The following USP31 variants were observed in gnomAD, a reference collection of about 807,000 sequenced individuals.
USP31 encodes the protein ubiquitin specific peptidase 31, also known as ubiquitin carboxyl-terminal hydrolase 31.
USP31 carries 44 observed loss-of-function variants against 119.4 expected under a neutral mutation model. The observed-to-expected ratio is 0.37, with a 90% confidence interval of 0.29 to 0.47. The LOEUF is 0.47. Among genes scored for constraint, USP31 ranks in the 20% least tolerant of loss-of-function variants. The pLI is 0.99. For missense variants in USP31, 1,643 were observed against 1,730.2 expected, an observed-to-expected ratio of 0.95 and a Z score of 0.89; for synonymous variants, 749 against 705.6, an observed-to-expected ratio of 1.06 and a Z score of -0.97.
intron 4 of USP31, 58 bp from the exon 5 acceptor site, chr16:23,105,634 A>C (rs1319855331): frequency 6.8e-7 from 1 of 1,471,346 alleles, no homozygotes; most frequent in Non-Finnish European, 9.0e-7. Flanking sequence ...AAAATATAGA[A>C]GATGCAAAAT....
chr16:23,114,738 G>A lies in USP31; in HGVS notation c.634-6555C>T, dbSNP rs530799847. Among the ~76,000 whole-genome samples, 4 of 152,068 alleles carry A rather than the reference G, an allele frequency of 2.6e-5. No individual in the cohort carries two copies. In the South Asian group the frequency reaches 6.2e-4, roughly 24 times the overall value. On this transcript the variant is annotated intron_variant, in intron 1 of 15. Coordinates refer to ENST00000219689, the MANE Select transcript of USP31 (RefSeq NM_020718.4). The stretch of plus-strand genomic sequence containing the variant: ...GGCACGACCCAACAGGTAACAGAAC[G>A]TCCACAATACTCGTAACTAGGGCAA...
At chr16:23,088,243 GACA>G (rs1901199914) in intron 7 of USP31, among the ~76,000 whole-genome samples, 1 of 152,134 alleles carries the variant, frequency 6.6e-6, no homozygotes, top group African/African-American at 2.4e-5. Context: ...TTGAGTCTCT[GACA>G]ACAAGGGAGG....
In USP31 at chr16:23,063,204, A is replaced by G. The variant is rs1899922478; in HGVS notation, c.*4842T>C. 1 of 152,200 alleles carries G rather than the reference A, an allele frequency of 6.6e-6. No homozygotes were observed. 9.4% of individuals were successfully genotyped at this position (152,200 alleles called of 1,614,324 possible). On this transcript the variant is annotated 3_prime_UTR_variant, in exon 16 of 16. Coordinates refer to ENST00000219689, the MANE Select transcript of USP31 (RefSeq NM_020718.4). ...TGTGTGAGATTCAAAAAAGTCTCTC[A>G]AATTTGCTGTGCACCCCTTCTCCCA...
At position 23,148,832 on chromosome 16, in the gene USP31, T is replaced by C; in HGVS notation, c.439A>G (p.Ser147Gly). The change falls in exon 1 of 16, where the codon AGC becomes GGC. Residue 147 changes from serine to glycine, a missense_variant. By Grantham distance (56) the Ser-to-Gly change is moderately conservative. This residue lies in a region of USP31 where 302 missense variants were observed against 262.6 expected (regional missense o/e 1.15). Coordinates refer to ENST00000219689, the MANE Select transcript of USP31 (RefSeq NM_020718.4). ...CFMNATLQCL[S>G]NTELFAEYLA... is the part of the protein sequence containing the mutation. ...TACTCGGCGAAGAGCTCGGTGTTGC[T>C]GAGGCACTGCAGCGTGGCGTTCATG... is the stretch of plus-strand genomic sequence containing the variant. 1 of 1,537,458 alleles carries C rather than the reference T, an allele frequency of 6.5e-7. No individual in the cohort carries two copies. Among genetic ancestry groups the C allele is most frequent in the Non-Finnish European group, 8.7e-7 (1 of 1,145,288 alleles).
At chr16:23,108,422 T>G (rs968393532) in intron 1 of USP31, among the ~76,000 whole-genome samples, 1 of 152,116 alleles carries the variant, frequency 6.6e-6, no homozygotes, top group Non-Finnish European at 1.5e-5. Flanking sequence ...TCTAAAGACA[T>G]CATCAGAACA....
At chr16:23,085,221 T>C (rs1901054648) in intron 10 of USP31, among the ~76,000 whole-genome samples, 1 of 152,240 alleles carries the variant, frequency 6.6e-6, no homozygotes, top group Non-Finnish European at 1.5e-5. Context: ...GGTTTGGCCA[T>C]GAACTGTACT....
Position 23,138,831 on chromosome 16 carries a change from C to T in USP31, c.633+9807G>A, listed in dbSNP as rs181555894. Among the ~76,000 whole-genome samples, 343 of 152,262 alleles carry T rather than the reference C, an allele frequency of 2.3e-3. 3 individuals are homozygous for T. Among genetic ancestry groups the T allele is most frequent in the African/African-American group, 7.6e-3 (317 of 41,550 alleles). ...AGACACGGAGCAGGTATTGTTTCTTCAGTCACCTCACAGGCCCCATTCCTC... is the reference window on the plus strand; with the variant it reads ...AGACACGGAGCAGGTATTGTTTCTTTAGTCACCTCACAGGCCCCATTCCTC... On this transcript the variant is annotated intron_variant, in intron 1 of 15. Transcript: ENST00000219689.
At chr16:23,126,304 A>T (rs1171384117) in intron 1 of USP31, among the ~76,000 whole-genome samples, 2 of 142,328 alleles carry the variant, frequency 1.4e-5, no homozygotes, top group Non-Finnish European at 3.0e-5. Flanking sequence ...CTGGGTACAG[A>T]GCGACCCTGT....
chr16:23,064,649 C>T lies in USP31; in HGVS notation c.*3397G>A, dbSNP rs1004518574. On this transcript the variant is annotated 3_prime_UTR_variant, in exon 16 of 16. Transcript: ENST00000219689. ...GCTCAAGAGAACCACAAGCCTTAGC[C>T]GATTTGACCGGAATCCACGTGATCT... 1.3e-5 allele frequency: 2 copies of T among 152,158 alleles called. No individual in the cohort carries two copies. Among genetic ancestry groups the T allele is most frequent in the African/African-American group, 4.8e-5 (2 of 41,438 alleles). 9.4% of individuals were successfully genotyped at this position (152,158 alleles called of 1,614,324 possible).
chr16:23,129,578 A>T (rs773572275), intron 1 of USP31, among the ~76,000 whole-genome samples: 1 of 152,238 alleles, frequency 6.6e-6, no homozygotes, highest in Non-Finnish European at 1.5e-5. Flanking sequence ...TTGTCCACAA[A>T]TTGGTAGTTG....
chr16:23,074,971 T>C (rs1471974433), intron 13 of USP31, among the ~76,000 whole-genome samples: 1 of 152,074 alleles, frequency 6.6e-6, no homozygotes, highest in Non-Finnish European at 1.5e-5. Context: ...GCCCCAGGGA[T>C]GGGGCAGATA....
At chr16:23,092,463 A>C (rs112960208) in intron 6 of USP31, among the ~76,000 whole-genome samples, 2,615 of 152,334 alleles carry the variant, frequency 0.017, 54 homozygotes, top group Middle Eastern at 0.031. Context: ...TGGGAAGGAC[A>C]GAGAAGAAAA....
At chr16:23,143,794 G>A (rs533633099) in intron 1 of USP31, among the ~76,000 whole-genome samples, 76 of 152,182 alleles carry the variant, frequency 5.0e-4, no homozygotes, top group African/African-American at 1.4e-3. Context: ...CAGCATCCCT[G>A]GAATCTACCA....
At position 23,065,171 on chromosome 16, in the gene USP31, G is replaced by C. The variant is rs1301245255; in HGVS notation, c.*2875C>G. On this transcript the variant is annotated 3_prime_UTR_variant, in exon 16 of 16. Transcript: ENST00000219689. ...CAAACATTACAGATACAACATTACT[G>C]TTGGTGATTATTTTGTGCCTACCAG... The C allele has an allele frequency of 6.6e-6, 1 of 152,090 alleles. No individual in the cohort carries two copies. Among genetic ancestry groups the C allele is most frequent in the Non-Finnish European group, 1.5e-5 (1 of 68,018 alleles). The allele number at this position is 152,090 out of a possible 1,614,324, so 9.4% of individuals were successfully genotyped here. A position where few individuals can be genotyped will look rare whatever the true frequency, so the allele number is the denominator to read the frequency against.
Position 23,082,935 on chromosome 16 carries a change from A to T in USP31, c.1831-378T>A, listed in dbSNP as rs148492944. On this transcript the variant is annotated intron_variant, in intron 11 of 15. Coordinates refer to ENST00000219689, the MANE Select transcript of USP31 (RefSeq NM_020718.4). ...AACCTCCACCCATCAGGCTCAAGTG[A>T]TTCTCCCACCTCAGCCTCTTCAGTA... is the stretch of plus-strand genomic sequence containing the variant. 1.4e-5 allele frequency among the ~76,000 whole-genome samples: 2 copies of T among 147,304 alleles called. 1 individual carries two copies. The highest frequency in any genetic ancestry group is 4.0e-4 in the East Asian group (2 of 4,964).
At chr16:23,132,539 T>C (rs1031294315) in intron 1 of USP31, among the ~76,000 whole-genome samples, 1 of 152,034 alleles carries the variant, frequency 6.6e-6, no homozygotes, top group African/African-American at 2.4e-5. Context: ...AAACTTTAAG[T>C]CACACAAAGG....
At chr16:23,077,626 C>T (rs975907816) in intron 13 of USP31, among the ~76,000 whole-genome samples, 5 of 152,184 alleles carry the variant, frequency 3.3e-5, no homozygotes, top group South Asian at 2.1e-4. Context: ...CACTAGCACT[C>T]GGGGTCTTGT....
In USP31 at chr16:23,093,738, T is replaced by C. The variant is rs540604129; in HGVS notation, c.1235-2934A>G. Among the ~76,000 whole-genome samples the C allele has an allele frequency of 1.3e-4, 20 of 152,278 alleles. No homozygotes were observed. The South Asian group carries it at 3.7e-3, about 28-fold the overall frequency. On this transcript the variant is annotated intron_variant, in intron 6 of 15. Transcript: ENST00000219689. ...ACAAATACTTGTACACAAATGCTCA[T>C]AGTAGGACTATTCATAATAGACAAA...
At chr16:23,093,891 G>A (rs548259991) in intron 6 of USP31, among the ~76,000 whole-genome samples, 22 of 152,308 alleles carry the variant, frequency 1.4e-4, no homozygotes, top group Middle Eastern at 3.4e-3. Flanking sequence ...CAAGATGGCC[G>A]AACAGGAACA....
Sources: gnomAD v4.1 joint callset for allele counts (sites outside exome capture counted in the v4.1 genomes callset) on GRCh38, gnomAD v4.1.1 for gene constraint, gnomAD v4.1.1 regional missense constraint, MANE v1.5 for transcripts, NCBI Gene and HGNC (gene_info 2026-07-23, HGNC 2026-07-21) for gene names.